SH3GL2: variants seen among roughly 807,000 people sequenced by gnomAD.
SH3GL2 encodes SH3 domain containing GRB2 like 2, endophilin A1.
Under a neutral mutation model 46.0 loss-of-function variants are expected in SH3GL2, and 24 were observed. The ratio of observed to expected loss-of-function variants is 0.52; its 90% confidence interval spans 0.38 to 0.73. The LOEUF (loss-of-function observed/expected upper bound fraction) is 0.73. Ranked by LOEUF, SH3GL2 falls within the 30% of genes least tolerant of loss-of-function variation. The pLI is 0.00. For missense variants in SH3GL2, 413 were observed against 424.2 expected, an observed-to-expected ratio of 0.97 and a Z score of 0.23; for synonymous variants, 196 against 147.1, an observed-to-expected ratio of 1.33 and a Z score of -2.40.
At chr9:17,666,621 A>G (rs1820350820) in intron 1 of SH3GL2, among the ~76,000 whole-genome samples, 1 of 151,238 alleles carries the variant, frequency 6.6e-6, no homozygotes. Context: ...CATAGGAAGC[A>G]TTCTCATTCA....
At chr9:17,621,068 G>A (rs1421929193) in intron 1 of SH3GL2, among the ~76,000 whole-genome samples, 2 of 152,170 alleles carry the variant, frequency 1.3e-5, no homozygotes, top group Non-Finnish European at 2.9e-5. Context: ...TTTCGTGTAT[G>A]AAAAACATGT....
chr9:17,744,094 G>A (rs1043008781), intron 1 of SH3GL2, among the ~76,000 whole-genome samples: 6 of 152,088 alleles, frequency 3.9e-5, no homozygotes, highest in African/African-American at 1.2e-4. Context: ...TTGGGGTTTT[G>A]TAGAAAATAT....
At position 17,716,274 on chromosome 9, in the gene SH3GL2, TACTTG is replaced by T. The variant is rs529755868; in HGVS notation, c.46-30787_46-30783del. Among the ~76,000 whole-genome samples, 6 of 152,274 alleles carry T rather than the reference TACTTG, an allele frequency of 3.9e-5. No homozygotes were observed. In the East Asian group the frequency reaches 9.7e-4, roughly 25 times the overall value. On this transcript the variant is annotated intron_variant, in intron 1 of 8. Coordinates refer to ENST00000380607, the MANE Select transcript of SH3GL2 (RefSeq NM_003026.5). ...TTTAGTTGTACGATATTGTGAATTT[TACTTG>T]ACTTAGGGGGCTGGATGTTTTAATT... is the stretch of plus-strand genomic sequence containing the variant.
At chr9:17,610,337 T>A (rs1245891130) in intron 1 of SH3GL2, among the ~76,000 whole-genome samples, 1 of 152,168 alleles carries the variant, frequency 6.6e-6, no homozygotes, top group Non-Finnish European at 1.5e-5. Context: ...GCTCAGATCC[T>A]CTTTATGTAT....
chr9:17,584,041 C>G (rs1246527151), intron 1 of SH3GL2, among the ~76,000 whole-genome samples: 1 of 152,168 alleles, frequency 6.6e-6, no homozygotes, highest in African/African-American at 2.4e-5. Flanking sequence ...CACCTGTACC[C>G]TTTCACATTC....
chr9:17,684,459 G>A (rs73422620), intron 1 of SH3GL2, among the ~76,000 whole-genome samples: 3,743 of 152,140 alleles, frequency 0.025, 152 homozygotes, highest in African/African-American at 0.086. Flanking sequence ...AAGAGCTTTA[G>A]TACAATATCA....
chr9:17,753,740 A>G (rs1048236244), intron 2 of SH3GL2, among the ~76,000 whole-genome samples: 1 of 151,910 alleles, frequency 6.6e-6, no homozygotes, highest in Admixed American at 6.6e-5. Context: ...TCCTCATGAA[A>G]TTTTTGCCCA....
At chr9:17,700,442 G>A (rs1437667006) in intron 1 of SH3GL2, among the ~76,000 whole-genome samples, 1 of 152,168 alleles carries the variant, frequency 6.6e-6, no homozygotes, top group African/African-American at 2.4e-5. Context: ...AAAAATCTGT[G>A]GGACTCTAGA....
At chr9:17,670,347 A>G (rs1255607629) in intron 1 of SH3GL2, among the ~76,000 whole-genome samples, 1 of 152,138 alleles carries the variant, frequency 6.6e-6, no homozygotes, top group Non-Finnish European at 1.5e-5. Context: ...GTTAGAAGGG[A>G]AGTTCTGCGA....
chr9:17,725,606 G>C (rs183287286), intron 1 of SH3GL2, among the ~76,000 whole-genome samples: 1 of 152,258 alleles, frequency 6.6e-6, no homozygotes, highest in East Asian at 1.9e-4. Context: ...AGTCAGAGTT[G>C]TGGTGATGGT....
chr9:17,786,358 G>C, intron 3 of SH3GL2, 23 bp from the exon 4 acceptor site: 1 of 1,597,048 alleles, frequency 6.3e-7, no homozygotes, highest in Non-Finnish European at 8.5e-7. Context: ...TACTCTGAAA[G>C]CTTGTTCTCT....
intron 2 of SH3GL2, among the ~76,000 whole-genome samples, chr9:17,758,788 G>GATGCCTA (rs1823084116): frequency 1.4e-5 from 2 of 148,022 alleles, no homozygotes; most frequent in Non-Finnish European, 3.0e-5. Context: ...AATGATGCCT[G>GATGCCTA]GACTAGGTAA....
intron 1 of SH3GL2, among the ~76,000 whole-genome samples, chr9:17,612,204 G>T (rs1013214077): frequency 3.3e-5 from 5 of 152,180 alleles, no homozygotes; most frequent in Non-Finnish European, 5.9e-5. Context: ...ACAGGAACAG[G>T]AACAGAAGGC....
chr9:17,630,852 T>C (rs1454031164), intron 1 of SH3GL2, among the ~76,000 whole-genome samples: 1 of 152,194 alleles, frequency 6.6e-6, no homozygotes, highest in Admixed American at 6.5e-5. Context: ...CCTGCTGTTT[T>C]ATGGGCAAGG....
At chr9:17,600,012 A>G (rs113947887) in intron 1 of SH3GL2, among the ~76,000 whole-genome samples, 1 of 150,800 alleles carries the variant, frequency 6.6e-6, no homozygotes, top group South Asian at 2.1e-4. Context: ...GTCATTTTGT[A>G]TTTAAATTCT....
intron 3 of SH3GL2, among the ~76,000 whole-genome samples, chr9:17,768,773 G>A (rs1221335779): frequency 6.6e-6 from 1 of 152,104 alleles, no homozygotes; most frequent in African/African-American, 2.4e-5. Context: ...TCTGAGTGGT[G>A]TCTTCTGAGG....
intron 2 of SH3GL2, 84 bp from the exon 3 acceptor site, chr9:17,761,353 G>C (rs879932600): frequency 2.4e-6 from 2 of 848,920 alleles, no homozygotes; most frequent in South Asian, 1.4e-5. Context: ...TGCATACCCC[G>C]CCATTGTATA....
At position 17,612,427 on chromosome 9, in the gene SH3GL2, C is replaced by G. The variant is rs572148759; in HGVS notation, c.45+33140C>G. 1.1e-3 allele frequency among the ~76,000 whole-genome samples: 164 copies of G among 152,312 alleles called. 2 individuals carry two copies. Among genetic ancestry groups the G allele is most frequent in the African/African-American group, 3.7e-3 (155 of 41,558 alleles). ...AACTGCTGAATCTCAGACCCTATCT[C>G]AGACCTAAGAGTCATAATTGCTCTT... is the stretch of plus-strand genomic sequence containing the variant. On this transcript the variant is annotated intron_variant, in intron 1 of 8. Transcript: ENST00000380607.
chr9:17,583,056 A>C (rs1245110303), intron 1 of SH3GL2, among the ~76,000 whole-genome samples: 1 of 152,130 alleles, frequency 6.6e-6, no homozygotes, highest in South Asian at 2.1e-4. Flanking sequence ...ATTCTGAGCT[A>C]TTGTAATTAG....
Sources: gnomAD v4.1 joint callset for allele counts (sites outside exome capture counted in the v4.1 genomes callset) on GRCh38, gnomAD v4.1.1 for gene constraint, MANE v1.5 for transcripts, NCBI Gene and HGNC (gene_info 2026-07-23, HGNC 2026-07-21) for gene names.